The following DAPK1 variants were observed in gnomAD, a reference collection of about 807,000 sequenced individuals.
DAPK1 encodes the protein death associated protein kinase 1, also known as death-associated protein kinase 1.
A neutral mutation model predicts 144.9 loss-of-function variants in DAPK1; 56 were observed. That is an observed-to-expected ratio of 0.39 (90% CI 0.31 to 0.48). DAPK1 has a LOEUF of 0.48. Ranked by LOEUF, DAPK1 falls within the 20% of genes least tolerant of loss-of-function variation. The probability of loss-of-function intolerance (pLI) is 0.95; values close to 1 mark genes in which losing one functional copy is unlikely to be tolerated. For missense variants in DAPK1, 1,454 were observed against 1,875.4 expected (o/e 0.78, Z 4.15); for synonymous variants, 690 against 749.0 (o/e 0.92, Z 1.29).
intron 21 of DAPK1, among the ~76,000 whole-genome samples, 172 bp from the exon 22 acceptor site, chr9:87,696,835 A>G: frequency 6.6e-6 from 1 of 152,116 alleles, no homozygotes; most frequent in East Asian, 1.9e-4. Context: ...TTTCAATATG[A>G]GTTTTAGTGG....
chr9:87,655,087 G>C (rs1042445863), intron 17 of DAPK1, among the ~76,000 whole-genome samples: 1 of 152,148 alleles, frequency 6.6e-6, no homozygotes, highest in Non-Finnish European at 1.5e-5. Flanking sequence ...TACATAGAGG[G>C]CCTTCTGTAG....
intron 3 of DAPK1, chr9:87,632,095 T>TA (rs1829710967): frequency 2.3e-6 from 1 of 436,964 alleles, no homozygotes; most frequent in South Asian, 1.0e-4. Context: ...TATGTAGAAA[T>TA]ATATATATAT....
chr9:87,532,169 G>A (rs1243605407), intron 2 of DAPK1, among the ~76,000 whole-genome samples: 2 of 152,224 alleles, frequency 1.3e-5, no homozygotes, highest in Non-Finnish European at 2.9e-5. Context: ...TCAGTAAACT[G>A]TAACTCCAAG....
intron 2 of DAPK1, among the ~76,000 whole-genome samples, chr9:87,574,436 C>T (rs1827468360): frequency 6.6e-6 from 1 of 152,224 alleles, no homozygotes; most frequent in African/African-American, 2.4e-5. Context: ...CCAACAGATG[C>T]TTCCCAGCCA....
At chr9:87,535,873 T>G (rs3739788) in intron 2 of DAPK1, among the ~76,000 whole-genome samples, 68,147 of 152,074 alleles carry the variant, frequency 0.45, 15,552 homozygotes, top group South Asian at 0.58. Context: ...GGCCCAAGGT[T>G]CTTATCTTTG....
intron 19 of DAPK1, among the ~76,000 whole-genome samples, chr9:87,671,118 C>G (rs1392098802): frequency 1.3e-5 from 2 of 152,206 alleles, no homozygotes; most frequent in Non-Finnish European, 2.9e-5. Context: ...TCCCCGTTAT[C>G]TGCAGCCTGC....
intron 2 of DAPK1, among the ~76,000 whole-genome samples, chr9:87,506,541 A>G (rs1824603219): frequency 6.6e-6 from 1 of 152,236 alleles, no homozygotes. Context: ...GTAATGTCTA[A>G]GAGTCTTGTC....
At chr9:87,656,401 T>C (rs1192548445) in intron 17 of DAPK1, among the ~76,000 whole-genome samples, 2 of 152,194 alleles carry the variant, frequency 1.3e-5, no homozygotes, top group East Asian at 3.9e-4. Flanking sequence ...CATCACACTC[T>C]CTTCCTCAGC....
intron 2 of DAPK1, among the ~76,000 whole-genome samples, chr9:87,529,257 CCTG>C (rs1825625970): frequency 6.6e-6 from 1 of 152,202 alleles, no homozygotes; most frequent in African/African-American, 2.4e-5. Context: ...AGCTTTCACT[CCTG>C]CTCTAAAACT....
chr9:87,654,299 T>C (rs10512188), intron 17 of DAPK1, among the ~76,000 whole-genome samples: 15,854 of 152,228 alleles, frequency 0.1, 1,197 homozygotes, highest in East Asian at 0.32. Flanking sequence ...ATTACGATTA[T>C]GCTAAAAATG....
At chr9:87,690,503 A>G (rs1564072699) in intron 21 of DAPK1, among the ~76,000 whole-genome samples, 2 of 151,890 alleles carry the variant, frequency 1.3e-5, no homozygotes, top group African/African-American at 2.4e-5. Context: ...TATGCTTTTT[A>G]TTTCTTTCCC....
At chr9:87,520,750 T>A (rs1825265521) in intron 2 of DAPK1, among the ~76,000 whole-genome samples, 1 of 152,202 alleles carries the variant, frequency 6.6e-6, no homozygotes, top group African/African-American at 2.4e-5. Flanking sequence ...AATTGAAATG[T>A]TTGTGTGTGT....
At chr9:87,681,969 C>T (rs2183026) in intron 20 of DAPK1, among the ~76,000 whole-genome samples, 3 of 152,190 alleles carry the variant, frequency 2.0e-5, no homozygotes, top group Admixed American at 1.3e-4. Flanking sequence ...AGGGCTCTGG[C>T]CTTAGAGACA....
At chr9:87,505,352 G>A (rs1318169429) in intron 2 of DAPK1, among the ~76,000 whole-genome samples, 2 of 152,226 alleles carry the variant, frequency 1.3e-5, no homozygotes, top group Admixed American at 1.3e-4. Context: ...GAGTACCCCA[G>A]AGAGCTCAGG....
chr9:87,649,992 CG>C lies in DAPK1; in HGVS notation c.1502del (p.Gly501AlafsTer4). 1 of 1,614,182 alleles carries C rather than the reference CG, an allele frequency of 6.2e-7. No individual in the cohort carries two copies. Among genetic ancestry groups the C allele is most frequent in the East Asian group, 2.2e-5 (1 of 44,862 alleles). ...YSVAKALCEA[G>X]CNVNIKNREG... is the part of the protein sequence containing the mutation. The stretch of plus-strand genomic sequence containing the variant: ...CTGTGGCCAAAGCCCTTTGTGAAGC[CG>C]GCTGTAACGTGAACATCAAGAACCG... On this transcript the variant is annotated frameshift_variant, in exon 16 of 26. Transcript: ENST00000408954. LOFTEE classifies it high-confidence loss of function.
intron 2 of DAPK1, among the ~76,000 whole-genome samples, chr9:87,597,158 T>C (rs1366769903): frequency 6.6e-6 from 1 of 152,208 alleles, no homozygotes; most frequent in Non-Finnish European, 1.5e-5. Context: ...TGCCACATTC[T>C]GTGGGTTAGC....
intron 2 of DAPK1, among the ~76,000 whole-genome samples, chr9:87,590,549 T>G (rs1336971951): frequency 2.6e-5 from 4 of 152,132 alleles, no homozygotes. Flanking sequence ...CAATTCTCAG[T>G]TCTTTGAGGC....
chr9:87,503,048 T>A (rs960484228), intron 2 of DAPK1, among the ~76,000 whole-genome samples: 2 of 152,054 alleles, frequency 1.3e-5, no homozygotes, highest in Non-Finnish European at 2.9e-5. Flanking sequence ...CAGTGTGCAG[T>A]GTGGAAAAAC....
At chr9:87,649,075 G>T (rs888305571) in intron 15 of DAPK1, among the ~76,000 whole-genome samples, 196 bp downstream of exon 15, 1 of 152,238 alleles carries the variant, frequency 6.6e-6, no homozygotes, top group Non-Finnish European at 1.5e-5. Flanking sequence ...CCAGGATCAG[G>T]TCTAACCACT....
Sources: allele counts gnomAD v4.1 joint callset (sites outside exome capture counted in the v4.1 genomes callset), GRCh38; gene constraint gnomAD v4.1.1; transcripts MANE v1.5; gene names NCBI Gene and HGNC (gene_info 2026-07-23, HGNC 2026-07-21).